Variants in ATXN1 observed in about 807,000 individuals in gnomAD.
ATXN1 encodes ataxin 1.
Under a neutral mutation model 56.4 loss-of-function variants are expected in ATXN1, and 8 were observed. That is an observed-to-expected ratio of 0.14 (90% CI 0.08 to 0.26). The LOEUF (loss-of-function observed/expected upper bound fraction) is 0.26, where lower values mean the gene tolerates loss of function less well. ATXN1 is among the 10% of genes least tolerant of loss of function. The probability of loss-of-function intolerance (pLI) is 1.00; values close to 1 mark genes in which losing one functional copy is unlikely to be tolerated. For synonymous variants in ATXN1, 514 were observed against 494.6 expected (o/e 1.04, Z -0.52); for missense variants, 987 against 1,106.5 (o/e 0.89, Z 1.53).
intron 6 of ATXN1, among the ~76,000 whole-genome samples, chr6:16,336,029 C>T (rs1252016085): frequency 1.3e-5 from 2 of 152,186 alleles, no homozygotes; most frequent in Non-Finnish European, 2.9e-5. Flanking sequence ...TATGGCAGCC[C>T]TAAGAAACCA....
Position 16,410,862 on chromosome 6 carries a change from C to T in ATXN1, c.-161+75110G>A, listed in dbSNP as rs960485060. ...GTGGGTGGCCAGGCACAGTGGCTCA[C>T]GCCTGTAATCCCAGCTCTTTGGGAG... On this transcript the variant is annotated intron_variant, in intron 6 of 7. Transcript: ENST00000436367. This position sits in a 1 kb window ranked among gnomAD's most constrained non-coding sequence, Gnocchi z 4.6. Among the ~76,000 whole-genome samples, 7 of 152,146 alleles carry T rather than the reference C, an allele frequency of 4.6e-5. No homozygotes were observed. Among genetic ancestry groups the T allele is most frequent in the Non-Finnish European group, 1.0e-4 (7 of 68,034 alleles).
chr6:16,558,696 T>C (rs539685891), intron 4 of ATXN1, among the ~76,000 whole-genome samples: 32 of 152,000 alleles, frequency 2.1e-4, no homozygotes, highest in African/African-American at 7.7e-4. Context: ...AAAATACTAA[T>C]AAAAAATACG....
chr6:16,652,071 A>G (rs1299766474), intron 3 of ATXN1: 2 of 152,236 alleles, frequency 1.3e-5, no homozygotes, highest in Non-Finnish European at 2.9e-5. Context: ...ACTCACAGCT[A>G]TACAAAACCA....
chr6:16,674,896 T>C (rs1331150535), intron 2 of ATXN1, among the ~76,000 whole-genome samples: 1 of 152,196 alleles, frequency 6.6e-6, no homozygotes, highest in African/African-American at 2.4e-5. Flanking sequence ...GCCAAGAACA[T>C]GACTTAAACA....
At position 16,318,952 on chromosome 6, in the gene ATXN1, C is replaced by T. The variant is rs566417851; in HGVS notation, c.1917+7442G>A. On this transcript the variant is annotated intron_variant, in intron 7 of 7. Coordinates refer to ENST00000436367, the MANE Select transcript of ATXN1 (RefSeq NM_001128164.2). ...GTGCCTTAGGCAGGGAAGGGTGGCT[C>T]ATCCCTGTAATCCCAGCACTTTGGG... 1.7e-4 allele frequency among the ~76,000 whole-genome samples: 26 copies of T among 152,260 alleles called. 1 individual carries two copies. Among genetic ancestry groups the T allele is most frequent in the Admixed American group, 1.6e-3 (24 of 15,294 alleles).
At chr6:16,578,451 C>A (rs150607950) in intron 4 of ATXN1, among the ~76,000 whole-genome samples, 127 of 152,326 alleles carry the variant, frequency 8.3e-4, no homozygotes, top group African/African-American at 2.9e-3. Flanking sequence ...AAGAGTTCTA[C>A]ATTTGTACTC....
chr6:16,481,750 G>A (rs1760444442), intron 6 of ATXN1, among the ~76,000 whole-genome samples: 1 of 152,112 alleles, frequency 6.6e-6, no homozygotes. Context: ...CTAGAATGAA[G>A]TGTTATTCAG....
intron 6 of ATXN1, chr6:16,433,238 C>G (rs554171667): frequency 6.6e-6 from 1 of 152,268 alleles, no homozygotes; most frequent in East Asian, 1.9e-4. Context: ...CATGTGGCAT[C>G]TGAGTACATT....
At chr6:16,566,621 C>A (rs913835632) in intron 4 of ATXN1, among the ~76,000 whole-genome samples, 15 of 151,888 alleles carry the variant, frequency 9.9e-5, no homozygotes, top group African/African-American at 1.9e-4. Context: ...TGGGAGGCCA[C>A]GGCGGGCGGA....
rs1183163537 is a variant in ATXN1 at position 16,759,298 on chromosome 6, A to T, written c.-730+2000T>A. On this transcript the variant is annotated intron_variant, in intron 1 of 7. Coordinates refer to ENST00000436367, the MANE Select transcript of ATXN1 (RefSeq NM_001128164.2). ...CACATTCCCGTGCATGCACGACAGG[A>T]TGTGCAGGGAGAAAGCCACTGTAAG... Among the ~76,000 whole-genome samples, 17 of 152,376 alleles carry T rather than the reference A, an allele frequency of 1.1e-4. No homozygotes were observed. The South Asian group carries it at 2.7e-3, about 24-fold the overall frequency.
chr6:16,747,569 A>C (rs1329065311), intron 2 of ATXN1, among the ~76,000 whole-genome samples: 1 of 152,136 alleles, frequency 6.6e-6, no homozygotes, highest in Non-Finnish European at 1.5e-5. Flanking sequence ...ATGTAGGCTG[A>C]AGCTGCCAGG....
At chr6:16,504,083 C>T (rs1760935785) in intron 5 of ATXN1, among the ~76,000 whole-genome samples, 1 of 152,206 alleles carries the variant, frequency 6.6e-6, no homozygotes, top group African/African-American at 2.4e-5. Context: ...TTGTGCCTTT[C>T]AGCCCCACTT....
chr6:16,432,623 G>A (rs779380535), intron 6 of ATXN1: 1 of 152,086 alleles, frequency 6.6e-6, no homozygotes, highest in African/African-American at 2.4e-5. Flanking sequence ...TGGAAGATGC[G>A]GAGGCCTCAT....
At position 16,687,238 on chromosome 6, in the gene ATXN1, C is replaced by T. The variant is rs1320423125; in HGVS notation, c.-614-29337G>A. Among the ~76,000 whole-genome samples the T allele has an allele frequency of 2.6e-5, 4 of 152,192 alleles. No homozygotes were observed. The East Asian group carries it at 5.8e-4, about 22-fold the overall frequency. On this transcript the variant is annotated intron_variant, in intron 2 of 7. Coordinates refer to ENST00000436367, the MANE Select transcript of ATXN1 (RefSeq NM_001128164.2). ...TCTCCAAAATTAAACTTTCGACTTT[C>T]GTGATGAGAAAATTTCCACAAGGGT...
At chr6:16,371,784 AC>A (rs1762047450) in intron 6 of ATXN1, among the ~76,000 whole-genome samples, 1 of 151,744 alleles carries the variant, frequency 6.6e-6, no homozygotes, top group Non-Finnish European at 1.5e-5. Flanking sequence ...TTGCTATGGT[AC>A]CTAGGCTGGT....
At chr6:16,368,919 A>G (rs1227670206) in intron 6 of ATXN1, among the ~76,000 whole-genome samples, 1 of 152,230 alleles carries the variant, frequency 6.6e-6, no homozygotes, top group Non-Finnish European at 1.5e-5. Flanking sequence ...TTACTTCAAT[A>G]TGTGTGCAAG....
At chr6:16,370,885 A>T (rs1762026757) in intron 6 of ATXN1, among the ~76,000 whole-genome samples, 1 of 152,222 alleles carries the variant, frequency 6.6e-6, no homozygotes, top group African/African-American at 2.4e-5. Flanking sequence ...GCAAATGGTA[A>T]GGAATTTGGA....
At chr6:16,544,305 A>AGTTGTG (rs1354138520) in intron 4 of ATXN1, among the ~76,000 whole-genome samples, 1 of 152,184 alleles carries the variant, frequency 6.6e-6, no homozygotes, top group Non-Finnish European at 1.5e-5. Flanking sequence ...CGGCTGGCCA[A>AGTTGTG]GTTGTGGCGC....
intron 3 of ATXN1, among the ~76,000 whole-genome samples, chr6:16,617,095 T>G (rs1052779516): frequency 6.6e-6 from 1 of 152,108 alleles, no homozygotes; most frequent in Admixed American, 6.6e-5. Context: ...ACCAGGGGTA[T>G]GGAACATGCC....
Sources: allele counts gnomAD v4.1 joint callset (sites outside exome capture counted in the v4.1 genomes callset), GRCh38; gene constraint gnomAD v4.1.1; non-coding constraint Gnocchi (gnomAD v3.1); transcripts MANE v1.5; gene names NCBI Gene and HGNC (gene_info 2026-07-23, HGNC 2026-07-21).